The following KMT2A variants were observed in gnomAD, a reference collection of about 807,000 sequenced individuals.
The protein encoded by KMT2A is histone-lysine N-methyltransferase 2A.
In KMT2A, 16 loss-of-function variants were observed where a neutral mutation model predicts 345.3. That is an observed-to-expected ratio of 0.05 (90% CI 0.03 to 0.07). KMT2A has a LOEUF of 0.07. Ranked by LOEUF, KMT2A falls within the 10% of genes least tolerant of loss-of-function variation. The probability of loss-of-function intolerance (pLI) is 1.00; values close to 1 mark genes in which losing one functional copy is unlikely to be tolerated. For missense variants in KMT2A, 3,272 were observed against 4,841.6 expected (o/e 0.68, Z 9.62); for synonymous variants, 1,599 against 1,778.6 (o/e 0.90, Z 2.54).
Position 118,490,356 on chromosome 11 carries a change from A to C in KMT2A, c.4696+107A>C. On this transcript the variant is annotated intron_variant, in intron 13 of 35. Transcript: ENST00000534358. This position sits in a 1 kb window ranked among gnomAD's most constrained non-coding sequence, Gnocchi z 4.2. ...ATAAAAAGTCTCACACATTATGTCAAGGATACCATTTAGACACATTTCCTA... is the reference window on the plus strand; with the variant it reads ...ATAAAAAGTCTCACACATTATGTCACGGATACCATTTAGACACATTTCCTA... 1 of 1,202,740 alleles carries C rather than the reference A, an allele frequency of 8.3e-7. No homozygotes were observed. The highest frequency in any genetic ancestry group is 1.1e-6 in the Non-Finnish European group (1 of 891,228). The allele number at this position is 1,202,740 out of a possible 1,614,324, so 74.5% of individuals were successfully genotyped here.
At chr11:118,480,083 T>C in intron 5 of KMT2A, 91 bp from the exon 6 acceptor site, 2 of 973,630 alleles carry the variant, frequency 2.1e-6, no homozygotes. Context: ...TGAATACAGA[T>C]TCACTGATTG....
chr11:118,436,963 C>T lies in KMT2A; in HGVS notation c.432+19C>T. 6.9e-7 allele frequency: 1 copy of T among 1,446,314 alleles called. No individual in the cohort carries two copies. The highest frequency in any genetic ancestry group is 9.2e-7 in the Non-Finnish European group (1 of 1,089,978). 89.6% of individuals were successfully genotyped at this position (1,446,314 alleles called of 1,614,324 possible). A position where few individuals can be genotyped will look rare whatever the true frequency, so the allele number is the denominator to read the frequency against. ...CGGAGAGGTAAGGGGGCGAGGAACC[C>T]CCAGGTCCGGGGTCTCGACCCTCTG... On this transcript the variant is annotated intron_variant, in intron 1 of 35. Coordinates refer to ENST00000534358, the MANE Select transcript of KMT2A (RefSeq NM_001197104.2). This position sits in a 1 kb window ranked among gnomAD's most constrained non-coding sequence, Gnocchi z 6.9.
intron 30 of KMT2A, 117 bp from the exon 31 acceptor site, chr11:118,511,834 A>G: frequency 1.2e-6 from 1 of 805,024 alleles, no homozygotes; most frequent in Non-Finnish European, 2.1e-6. Context: ...ACACTGCTCT[A>G]GGAGGGCAAG....
At chr11:118,499,147 A>C (rs1322437909) in intron 22 of KMT2A, among the ~76,000 whole-genome samples, 156 bp from the exon 23 acceptor site, 1 of 152,256 alleles carries the variant, frequency 6.6e-6, no homozygotes, top group East Asian at 1.9e-4. Context: ...TCCTAGAGGC[A>C]CCACCTCTTT....
intron 1 of KMT2A, among the ~76,000 whole-genome samples, chr11:118,443,222 G>T (rs1220863177): frequency 1.3e-5 from 2 of 152,134 alleles, no homozygotes; most frequent in Non-Finnish European, 2.9e-5. Context: ...CCTTTTGTTA[G>T]CCTTTTCATT....
At position 118,503,523 on chromosome 11, in the gene KMT2A, A is replaced by T. The variant is rs781786930; in HGVS notation, c.7631A>T (p.Glu2544Val). Residue 2544 changes from glutamate to valine, a missense_variant, in exon 27 of 36, where the codon GAA becomes GTA. By Grantham distance (121) the Glu-to-Val change is moderately radical (BLOSUM62 -2). Transcript: ENST00000534358. The surrounding 1 kb of genome is among the most constrained non-coding windows in gnomAD (Gnocchi z 5.3). ...AGTCAATCCAAAAATGCCCTGAAAG[A>T]AAGTAGTCCTGCTTCCCCTTTGCAA... is the stretch of plus-strand genomic sequence containing the variant. ...NESQSKNALKESSPASPLQIE... is the reference protein window; with the variant it reads ...NESQSKNALKVSSPASPLQIE... 2 of 1,614,164 alleles carry T rather than the reference A, an allele frequency of 1.2e-6. No individual in the cohort carries two copies. Among genetic ancestry groups the T allele is most frequent in the South Asian group, 2.2e-5 (2 of 91,086 alleles).
At chr11:118,482,574 A>C in intron 8 of KMT2A, 79 bp downstream of exon 8, 1 of 1,011,812 alleles carries the variant, frequency 9.9e-7, no homozygotes, top group Non-Finnish European at 1.5e-6. Context: ...CTTGACTTCT[A>C]TGTAGATGGC....
chr11:118,518,959 T>C (rs1159009630), intron 31 of KMT2A, among the ~76,000 whole-genome samples: 1 of 141,108 alleles, frequency 7.1e-6, no homozygotes, highest in Non-Finnish European at 1.5e-5. Context: ...GCGCCCGTAG[T>C]CCCAGCTACT....
rs782713492 is a variant in KMT2A, at chr11:118,436,802, C to T, written c.290C>T (p.Ser97Phe). Residue 97 changes from serine to phenylalanine, a missense_variant, in exon 1 of 36, where the codon TCC becomes TTC. Ser to Phe is a radical substitution (Grantham distance 155). This residue lies in a region of KMT2A where 412 missense variants were observed against 511.0 expected (regional missense o/e 0.81). Transcript: ENST00000534358. This position sits in a 1 kb window ranked among gnomAD's most constrained non-coding sequence, Gnocchi z 6.9. ...GCCTCGTCTTCGTCTTCGTCATCGT[C>T]CTCAGCCTCTTCAGGGCCGGCCCTG... ...SSASSSSSSS[S>F]SASSGPALLR... 6.2e-6 allele frequency: 10 copies of T among 1,609,470 alleles called. No homozygotes were observed. Among genetic ancestry groups the T allele is most frequent in the African/African-American group, 1.3e-5 (1 of 74,700 alleles).
chr11:118,502,883 A>G lies in KMT2A; in HGVS notation c.6991A>G (p.Ile2331Val). Residue 2331 changes from isoleucine (I) to valine (V), a missense_variant, in exon 27 of 36, where the codon ATT becomes GTT. Transcript: ENST00000534358. The surrounding 1 kb of genome is among the most constrained non-coding windows in gnomAD (Gnocchi z 4.9). ...GSAHNVAYPGIPKLAPQVHNT... is the reference protein window; with the variant it reads ...GSAHNVAYPGVPKLAPQVHNT... ...TGCACATAATGTGGCTTACCCTGGAATTCCTAAACTGGCCCCACAGGTTCA... is the reference window on the plus strand; with the variant it reads ...TGCACATAATGTGGCTTACCCTGGAGTTCCTAAACTGGCCCCACAGGTTCA... 6.2e-7 allele frequency: 1 copy of G among 1,614,208 alleles called. No individual in the cohort carries two copies. Among genetic ancestry groups the G allele is most frequent in the African/African-American group, 1.3e-5 (1 of 75,054 alleles).
Position 118,523,141 on chromosome 11 carries a change from G to A in KMT2A, c.*969G>A, listed in dbSNP as rs9332871. ...AAAGAAACATATGTAGCATGATTTT[G>A]TAGGAGAGGAAAAAGATTATTTAAA... On this transcript the variant is annotated 3_prime_UTR_variant, in exon 36 of 36. Coordinates refer to ENST00000534358, the MANE Select transcript of KMT2A (RefSeq NM_001197104.2). 1 of 226,608 alleles carries A rather than the reference G, an allele frequency of 4.4e-6. No homozygotes were observed. Among genetic ancestry groups the A allele is most frequent in the Admixed American group, 5.7e-5 (1 of 17,568 alleles). The allele number at this position is 226,608 out of a possible 1,614,324, so 14.0% of individuals were successfully genotyped here.
Position 118,498,150 on chromosome 11 carries a change from C to A in KMT2A, c.5802+77C>A. ...ATATTCTTCCTGTGGGTGAATATGG[C>A]CTCCCTGATATTTTTCACAGTGCCA... is the stretch of plus-strand genomic sequence containing the variant. On this transcript the variant is annotated intron_variant, in intron 21 of 35. Transcript: ENST00000534358. The surrounding 1 kb of genome is among the most constrained non-coding windows in gnomAD (Gnocchi z 4.4). 1 of 1,479,112 alleles carries A rather than the reference C, an allele frequency of 6.8e-7. No individual in the cohort carries two copies. The highest frequency in any genetic ancestry group is 9.4e-7 in the Non-Finnish European group (1 of 1,068,588). 91.6% of individuals were successfully genotyped at this position (1,479,112 alleles called of 1,614,324 possible).
At chr11:118,467,064 A>G (rs967533258) in intron 1 of KMT2A, among the ~76,000 whole-genome samples, 2 of 152,038 alleles carry the variant, frequency 1.3e-5, no homozygotes, top group African/African-American at 4.8e-5. Context: ...TTTAGGTTTC[A>G]TACATTCTTA....
intron 6 of KMT2A, among the ~76,000 whole-genome samples, chr11:118,481,360 T>C (rs1950128909): frequency 6.6e-6 from 1 of 152,244 alleles, no homozygotes; most frequent in Non-Finnish European, 1.5e-5. Flanking sequence ...TGTTTGTCTC[T>C]CTGTGTCTGG....
In KMT2A at chr11:118,489,881, A is replaced by G. The variant is rs1950296954; in HGVS notation, c.4569A>G (p.Lys1523=). 2 of 1,613,628 alleles carry G rather than the reference A, an allele frequency of 1.2e-6. No individual in the cohort carries two copies. Among genetic ancestry groups the G allele is most frequent in the African/African-American group, 2.7e-5 (2 of 75,032 alleles). ...CCACCAAACCCACAAAGAAGAAGAA[A>G]GTCTGGGTGAGTTATACACATGATG... ...NYPTKPTKKK[K]VWICTKCVRC... The change falls in exon 12 of 36, where the codon AAA becomes AAG. Residue 1523 remains lysine, a synonymous_variant. Transcript: ENST00000534358.
Position 118,521,293 on chromosome 11 carries a change from C to A in KMT2A, c.11519C>A (p.Pro3840His), listed in dbSNP as rs781904444. ...SKEAVGVYRSPIHGRGLFCKR... is the reference protein window; with the variant it reads ...SKEAVGVYRSHIHGRGLFCKR... Reference sequence around the variant, plus strand: ...CTTTTCCATCTTTGTCCTAGGTCTCCCATCCATGGCCGGGGTCTTTTCTGT... The same window carrying A: ...CTTTTCCATCTTTGTCCTAGGTCTCACATCCATGGCCGGGGTCTTTTCTGT... Residue 3840 changes from proline to histidine, a missense_variant, in exon 35 of 36, where the codon CCC becomes CAC. Coordinates refer to ENST00000534358, the MANE Select transcript of KMT2A (RefSeq NM_001197104.2). This position sits in a 1 kb window ranked among gnomAD's most constrained non-coding sequence, Gnocchi z 5.3. The A allele has an allele frequency of 6.2e-7, 1 of 1,613,876 alleles. No homozygotes were observed. Among genetic ancestry groups the A allele is most frequent in the South Asian group, 1.1e-5 (1 of 91,040 alleles).
At chr11:118,454,243 G>C (rs181965878) in intron 1 of KMT2A, among the ~76,000 whole-genome samples, 70 of 152,268 alleles carry the variant, frequency 4.6e-4, no homozygotes, top group Admixed American at 4.5e-3. Context: ...GATAAATCCA[G>C]ATTCCTTACT....
Position 118,491,809 on chromosome 11 carries a change from G to A in KMT2A, c.4885G>A (p.Glu1629Lys). The A allele has an allele frequency of 1.2e-6, 2 of 1,614,122 alleles. No individual in the cohort carries two copies. Among genetic ancestry groups the A allele is most frequent in the Non-Finnish European group, 1.7e-6 (2 of 1,179,980 alleles). Residue 1629 changes from glutamate to lysine, a missense_variant, in exon 15 of 36, where the codon GAG becomes AAG. Physicochemically the swap from Glu to Lys is moderately conservative, Grantham distance 56. Around this residue, in one of 27 missense-constraint regions of KMT2A, gnomAD observed 66 missense variants for 80.1 expected, o/e 0.82. Coordinates refer to ENST00000534358, the MANE Select transcript of KMT2A (RefSeq NM_001197104.2). The surrounding 1 kb of genome is among the most constrained non-coding windows in gnomAD (Gnocchi z 4.2). ...SVAYTCVNCT[E>K]RHPAEWRLAL... is the part of the protein sequence containing the mutation. ...GGCCTACACTTGTGTGAACTGTACTGAGCGGCACCCTGCAGAGTGGCGACT... is the reference window on the plus strand; with the variant it reads ...GGCCTACACTTGTGTGAACTGTACTAAGCGGCACCCTGCAGAGTGGCGACT...
In KMT2A at chr11:118,490,614, C is replaced by T. The variant is rs1269296930; in HGVS notation, c.4696+365C>T. Among the ~76,000 whole-genome samples, 2 of 151,806 alleles carry T rather than the reference C, an allele frequency of 1.3e-5. No homozygotes were observed. The highest frequency in any genetic ancestry group is 3.9e-4 in the East Asian group (2 of 5,194). On this transcript the variant is annotated intron_variant, in intron 13 of 35. Transcript: ENST00000534358. The surrounding 1 kb of genome is among the most constrained non-coding windows in gnomAD (Gnocchi z 4.2). ...ATATTAATATAACTAATACATTAAACCTGTTATATTACTGACTTAGGATAA... is the reference window on the plus strand; with the variant it reads ...ATATTAATATAACTAATACATTAAATCTGTTATATTACTGACTTAGGATAA...
Sources: gnomAD v4.1 joint callset for allele counts (sites outside exome capture counted in the v4.1 genomes callset) on GRCh38, gnomAD v4.1.1 for gene constraint, gnomAD v4.1.1 regional missense constraint, Gnocchi (gnomAD v3.1) non-coding constraint, MANE v1.5 for transcripts, NCBI Gene and HGNC (gene_info 2026-07-23, HGNC 2026-07-21) for gene names.